CGGBP1: variants seen among roughly 807,000 people sequenced by gnomAD.
The protein encoded by CGGBP1 is CGG triplet repeat binding protein 1, also known as CGG triplet repeat-binding protein 1.
A neutral mutation model predicts 11.4 loss-of-function variants in CGGBP1; 4 were observed. That is an observed-to-expected ratio of 0.35 (90% CI 0.17 to 0.80). The LOEUF is 0.80. Ranked by LOEUF, CGGBP1 falls within the 30% of genes least tolerant of loss-of-function variation. The pLI is 0.52. For missense variants in CGGBP1, 135 were observed against 202.1 expected (o/e 0.67, Z 2.01); for synonymous variants, 76 against 74.1 (o/e 1.03, Z -0.13).
chr3:88,070,563 GTTTTTTTT>G (rs67079285), intron 2 of CGGBP1, among the ~76,000 whole-genome samples: 2 of 111,308 alleles, frequency 1.8e-5, no homozygotes, highest in African/African-American at 8.3e-5. Context: ...AACACTGCCT[GTTTTTTTT>G]TTTTTTTTTT....
At chr3:88,095,871 A>C in intron 2 of CGGBP1, 2 of 450,898 alleles carry the variant, frequency 4.4e-6, no homozygotes, top group South Asian at 3.5e-5. Flanking sequence ...CAGATACTCC[A>C]CTTGCCACTT....
At chr3:88,091,051 C>T (rs1296140046) in intron 2 of CGGBP1, among the ~76,000 whole-genome samples, 2 of 152,276 alleles carry the variant, frequency 1.3e-5, no homozygotes, top group South Asian at 4.1e-4. Context: ...CTATGGTATT[C>T]AGTACAGTAG....
intron 2 of CGGBP1, among the ~76,000 whole-genome samples, chr3:88,084,024 T>A (rs1489215699): frequency 1.3e-5 from 2 of 151,932 alleles, no homozygotes; most frequent in African/African-American, 4.8e-5. Flanking sequence ...TTACAGTGCC[T>A]GACACGACAT....
chr3:88,149,664 C>G (rs1707373393), intron 1 of CGGBP1: 1 of 156,626 alleles, frequency 6.4e-6, no homozygotes. Context: ...CCCGCGGCAT[C>G]ACGGGAGCTC....
chr3:88,069,590 C>T (rs1707394805), intron 2 of CGGBP1, among the ~76,000 whole-genome samples: 1 of 152,192 alleles, frequency 6.6e-6, no homozygotes, highest in Admixed American at 6.5e-5. Flanking sequence ...CACTATATCC[C>T]CAGTGCCTTA....
intron 2 of CGGBP1, among the ~76,000 whole-genome samples, chr3:88,090,677 A>G (rs1433936381): frequency 1.3e-5 from 2 of 152,196 alleles, no homozygotes; most frequent in Non-Finnish European, 2.9e-5. Flanking sequence ...TCACTCACTG[A>G]CACACCTATA....
chr3:88,140,155 C>T, intron 2 of CGGBP1: 11 of 1,613,840 alleles, frequency 6.8e-6, no homozygotes, highest in Non-Finnish European at 9.3e-6. Context: ...TTTAAGCTGC[C>T]GTTCCAGCTT....
chr3:88,112,448 T>G (rs1705150357), intron 2 of CGGBP1, among the ~76,000 whole-genome samples: 1 of 151,904 alleles, frequency 6.6e-6, no homozygotes, highest in African/African-American at 2.4e-5. Context: ...TCATGTTCCT[T>G]TCTTTATGAA....
At chr3:88,057,028 C>G (rs981050298) in intron 3 of CGGBP1, 163 bp downstream of exon 3, 1 of 152,060 alleles carries the variant, frequency 6.6e-6, no homozygotes, top group Non-Finnish European at 1.5e-5. Context: ...TACCTTTGGG[C>G]TCTTACAATA....
At chr3:88,063,645 C>T (rs1454751378), upstream of CGGBP1, among the ~76,000 whole-genome samples, 1 of 151,878 alleles carries the variant, frequency 6.6e-6, no homozygotes, top group Non-Finnish European at 1.5e-5. Flanking sequence ...TATTAATGTA[C>T]TTAGTTTTAA....
rs116279118 is a variant in CGGBP1, at chr3:88,054,565, A to G, written c.*908T>C. The G allele has an allele frequency of 4.7e-3, 711 of 152,366 alleles. 3 individuals are homozygous for G. Among genetic ancestry groups the G allele is most frequent in the African/African-American group, 0.017 (686 of 41,566 alleles). 9.4% of individuals were successfully genotyped at this position (152,366 alleles called of 1,614,324 possible). A position where few individuals can be genotyped will look rare whatever the true frequency, so the allele number is the denominator to read the frequency against. The stretch of plus-strand genomic sequence containing the variant: ...TAAAGTTGTAGAGAAAAATTAATGA[A>G]TAGAAAGTAATTTTATCTGATCTGT... On this transcript the variant is annotated 3_prime_UTR_variant, in exon 4 of 4. Transcript: ENST00000482016.
Position 88,053,987 on chromosome 3 carries a change from G to A in CGGBP1, c.*1486C>T, listed in dbSNP as rs1168756494. On this transcript the variant is annotated 3_prime_UTR_variant, in exon 4 of 4. Transcript: ENST00000482016. ...AGTCAAATGGCCAGTTTGACAACCTGAATTAGAAACTTAAGTCTGTAAAAA... is the reference window on the plus strand; with the variant it reads ...AGTCAAATGGCCAGTTTGACAACCTAAATTAGAAACTTAAGTCTGTAAAAA... The A allele has an allele frequency of 6.6e-6, 1 of 152,490 alleles. No individual in the cohort carries two copies. Among genetic ancestry groups the A allele is most frequent in the East Asian group, 1.9e-4 (1 of 5,202 alleles). 9.4% of individuals were successfully genotyped at this position (152,490 alleles called of 1,614,324 possible). A position where few individuals can be genotyped will look rare whatever the true frequency, so the allele number is the denominator to read the frequency against.
intron 2 of CGGBP1, among the ~76,000 whole-genome samples, chr3:88,064,662 AG>A (rs1707094979): frequency 6.6e-6 from 1 of 152,194 alleles, no homozygotes; most frequent in Admixed American, 6.5e-5. Flanking sequence ...CTGTTAAGCC[AG>A]TTACCACCCA....
intron 2 of CGGBP1, among the ~76,000 whole-genome samples, chr3:88,074,112 G>T (rs942554540): frequency 1.3e-5 from 2 of 152,028 alleles, no homozygotes; most frequent in Non-Finnish European, 1.5e-5. Context: ...TCCCATTTTT[G>T]AGTTCACAAA....
chr3:88,080,097 G>A (rs1272558685), intron 2 of CGGBP1, among the ~76,000 whole-genome samples: 1 of 151,798 alleles, frequency 6.6e-6, no homozygotes, highest in Non-Finnish European at 1.5e-5. Context: ...GAATCTTCAG[G>A]TATCTGTTCA....
At chr3:88,145,375 A>C (rs546939173) in intron 1 of CGGBP1, among the ~76,000 whole-genome samples, 4 of 152,244 alleles carry the variant, frequency 2.6e-5, no homozygotes, top group African/African-American at 9.6e-5. Flanking sequence ...TTATGCCTTG[A>C]AACACTATGA....
intron 2 of CGGBP1, among the ~76,000 whole-genome samples, chr3:88,119,404 AGG>A (rs1705627765): frequency 1.3e-4 from 4 of 31,624 alleles, no homozygotes; most frequent in Non-Finnish European, 1.6e-4. Context: ...GGGAGGGGGG[AGG>A]GGGGAGGGAT....
At chr3:88,143,633 C>G (rs148485309) in intron 1 of CGGBP1, 140 of 152,360 alleles carry the variant, frequency 9.2e-4, no homozygotes, top group African/African-American at 3.3e-3. Context: ...ACAAAGTATT[C>G]CATTTTCATT....
chr3:88,069,851 A>G (rs1707409187), intron 2 of CGGBP1, among the ~76,000 whole-genome samples: 1 of 152,176 alleles, frequency 6.6e-6, no homozygotes, highest in Non-Finnish European at 1.5e-5. Context: ...GCAGGAGAGT[A>G]TGGGATGTGT....
Sources: gnomAD v4.1 joint callset for allele counts (sites outside exome capture counted in the v4.1 genomes callset) on GRCh38, gnomAD v4.1.1 for gene constraint, MANE v1.5 for transcripts, NCBI Gene and HGNC (gene_info 2026-07-23, HGNC 2026-07-21) for gene names.